SYNE1: variants seen among roughly 807,000 people sequenced by gnomAD.
SYNE1 encodes nesprin-1.
SYNE1 carries 616 observed loss-of-function variants against 1,111.0 expected under a neutral mutation model. The ratio of observed to expected loss-of-function variants is 0.55; its 90% CI spans 0.52 to 0.59. SYNE1 has a LOEUF of 0.59. Ranked by LOEUF, SYNE1 falls within the 20% of genes least tolerant of loss-of-function variation. SYNE1 has a pLI of 0.00. For synonymous variants in SYNE1, 3,855 were observed against 3,825.8 expected (o/e 1.01, Z -0.28); for missense variants, 10,006 against 10,417.0 (o/e 0.96, Z 1.72).
intron 120 of SYNE1, among the ~76,000 whole-genome samples, 171 bp from the exon 121 acceptor site, chr6:152,218,574 T>C (rs1184757984): frequency 6.6e-6 from 1 of 152,234 alleles, no homozygotes; most frequent in Non-Finnish European, 1.5e-5. Context: ...TTAAATCTTC[T>C]TTATGTAATT....
intron 50 of SYNE1, 81 bp from the exon 51 acceptor site, chr6:152,395,752 C>A: frequency 2.0e-6 from 3 of 1,491,694 alleles, no homozygotes; most frequent in Non-Finnish European, 2.8e-6. Flanking sequence ...GTCACAATGT[C>A]TTTTAAATGG....
At chr6:152,279,424 T>G (rs2093881003) in intron 97 of SYNE1, among the ~76,000 whole-genome samples, 1 of 151,800 alleles carries the variant, frequency 6.6e-6, no homozygotes. Context: ...AAATTAAGAA[T>G]ATAAAGTCAG....
intron 38 of SYNE1, 23 bp from the exon 39 acceptor site, chr6:152,425,570 G>T (rs750628363): frequency 3.2e-5 from 52 of 1,613,808 alleles, no homozygotes; most frequent in Non-Finnish European, 3.7e-5. Context: ...AGACATTACG[G>T]ATCTCATCCT....
intron 3 of SYNE1, among the ~76,000 whole-genome samples, chr6:152,626,612 T>A (rs193136890): frequency 6.6e-6 from 1 of 152,284 alleles, no homozygotes; most frequent in East Asian, 1.9e-4. Flanking sequence ...CATCTATATA[T>A]TCAGCAAGGA....
Position 152,227,041 on chromosome 6 carries a change from A to G in SYNE1, c.21196-1165T>C, listed in dbSNP as rs576390659. On this transcript the variant is annotated intron_variant, in intron 115 of 145. Coordinates refer to ENST00000367255, the MANE Select transcript of SYNE1 (RefSeq NM_182961.4). ...TTTTCACCCCCCTCATGATCCATAC[A>G]TGAGTAATAAGATTGAAATTGGATA... 1.4e-3 allele frequency among the ~76,000 whole-genome samples: 208 copies of G among 152,294 alleles called. 2 individuals carry two copies. Among genetic ancestry groups the G allele is most frequent in the African/African-American group, 3.8e-3 (160 of 41,572 alleles).
chr6:152,302,213 A>G (rs1297346578), intron 91 of SYNE1, 150 bp from the exon 92 acceptor site: 3 of 1,031,684 alleles, frequency 2.9e-6, no homozygotes, highest in Admixed American at 2.0e-5. Context: ...GTCCTCCTGC[A>G]TCTCGCTACC....
chr6:152,371,251 G>T (rs993542738), intron 59 of SYNE1, among the ~76,000 whole-genome samples: 1 of 151,888 alleles, frequency 6.6e-6, no homozygotes, highest in Admixed American at 6.6e-5. Context: ...TGAATCATGG[G>T]GGTGGTTACC....
At chr6:152,557,501 T>G (rs1287578629) in intron 3 of SYNE1, among the ~76,000 whole-genome samples, 1 of 152,104 alleles carries the variant, frequency 6.6e-6, no homozygotes, top group Non-Finnish European at 1.5e-5. Context: ...TAAAGAGATC[T>G]TCACCAAGAT....
Position 152,395,574 on chromosome 6 carries a change from C to T in SYNE1, c.7654G>A (p.Glu2552Lys), listed in dbSNP as rs1269356047. 1.9e-6 allele frequency: 3 copies of T among 1,614,138 alleles called. No individual in the cohort carries two copies. Among genetic ancestry groups the T allele is most frequent in the Non-Finnish European group, 2.5e-6 (3 of 1,180,004 alleles). The change falls in exon 51 of 146, where the codon GAG (glutamate) becomes AAG (lysine). Residue 2552 changes from glutamate (E) to lysine (K), a missense_variant. This residue lies in a region of SYNE1 where 4,955 missense variants were observed against 5,017.2 expected (regional missense o/e 0.99). Coordinates refer to ENST00000367255, the MANE Select transcript of SYNE1 (RefSeq NM_182961.4). Reference sequence around the variant, plus strand: ...ACTTTATGAACTTCATTTTTCTTCTCAGGAATGTGCTGTTTACTCTCTCCC... The same window carrying T: ...ACTTTATGAACTTCATTTTTCTTCTTAGGAATGTGCTGTTTACTCTCTCCC... ...NLGESKQHIP[E>K]KKNEVHKVEM...
At chr6:152,364,772 G>C in intron 63 of SYNE1, 75 bp downstream of exon 63, 1 of 1,588,042 alleles carries the variant, frequency 6.3e-7, no homozygotes, top group South Asian at 1.1e-5. Flanking sequence ...CCGGCCACAG[G>C]AATGGTCTGT....
intron 10 of SYNE1, among the ~76,000 whole-genome samples, chr6:152,501,021 A>C (rs1423046224): frequency 6.6e-6 from 1 of 152,110 alleles, no homozygotes; most frequent in Non-Finnish European, 1.5e-5. Context: ...TGTCATCTCA[A>C]ATTGCTCTGA....
intron 105 of SYNE1, among the ~76,000 whole-genome samples, chr6:152,246,785 G>A (rs2087303323): frequency 6.6e-6 from 1 of 152,122 alleles, no homozygotes; most frequent in South Asian, 2.1e-4. Context: ...TCAGGACACT[G>A]GAAACCTTTG....
At chr6:152,356,389 A>T (rs1252046004) in intron 66 of SYNE1, among the ~76,000 whole-genome samples, 1 of 150,526 alleles carries the variant, frequency 6.6e-6, no homozygotes, top group Non-Finnish European at 1.5e-5. Flanking sequence ...ATAAATTCTC[A>T]TATATCCCAA....
At chr6:152,152,277 C>T (rs1482238845) in intron 133 of SYNE1, 136 bp from the exon 134 acceptor site, 19 of 787,918 alleles carry the variant, frequency 2.4e-5, no homozygotes, top group Middle Eastern at 3.5e-4. Context: ...TGTCTAATAA[C>T]GGTACACTTC....
intron 59 of SYNE1, among the ~76,000 whole-genome samples, chr6:152,371,369 A>G (rs894882792): frequency 6.6e-6 from 1 of 151,792 alleles, no homozygotes; most frequent in Non-Finnish European, 1.5e-5. Flanking sequence ...CATATGAAGA[A>G]GGATGTATTT....
chr6:152,293,336 A>G (rs945656900), intron 95 of SYNE1, among the ~76,000 whole-genome samples: 13 of 152,224 alleles, frequency 8.5e-5, no homozygotes, highest in African/African-American at 2.9e-4. Flanking sequence ...AAATGCATGT[A>G]GCTTTCTTTA....
chr6:152,450,495 A>G, intron 27 of SYNE1, 130 bp downstream of exon 27: 1 of 958,018 alleles, frequency 1.0e-6, no homozygotes, highest in South Asian at 1.3e-5. Context: ...TCCTTTTATT[A>G]AATGAAGGAT....
At chr6:152,399,884 T>A in intron 47 of SYNE1, 61 bp from the exon 48 acceptor site, 3 of 1,533,690 alleles carry the variant, frequency 2.0e-6, no homozygotes, top group Non-Finnish European at 2.7e-6. Context: ...CTCCATTTAC[T>A]TCACTATGGT....
intron 3 of SYNE1, among the ~76,000 whole-genome samples, chr6:152,590,867 G>A (rs2099557881): frequency 6.6e-6 from 1 of 152,020 alleles, no homozygotes; most frequent in African/African-American, 2.4e-5. Context: ...TGACTATTTG[G>A]GCTCTTTTTT....
Sources: gnomAD v4.1 joint callset for allele counts (sites outside exome capture counted in the v4.1 genomes callset) on GRCh38, gnomAD v4.1.1 for gene constraint, gnomAD v4.1.1 regional missense constraint, MANE v1.5 for transcripts, NCBI Gene and HGNC (gene_info 2026-07-23, HGNC 2026-07-21) for gene names.